Variants in PPP2R3B observed in about 807,000 individuals in gnomAD.
PPP2R3B encodes serine/threonine-protein phosphatase 2A regulatory subunit B'' subunit beta.
PPP2R3B carries 68 observed loss-of-function variants against 72.9 expected under a neutral mutation model. The observed-to-expected ratio is 0.93, with a 90% CI of 0.77 to 1.14. PPP2R3B has a LOEUF of 1.14. Ranked by LOEUF, PPP2R3B falls within the 50% of genes most tolerant of loss-of-function variation. The pLI is 0.00. For synonymous variants in PPP2R3B, 466 were observed against 375.8 expected (o/e 1.24, Z -2.78); for missense variants, 1,018 against 842.0 (o/e 1.21, Z -2.59).
Position 340,868 on chromosome X carries a change from G to C in PPP2R3B, c.1248C>G (p.Phe416Leu), listed in dbSNP as rs1156594210. Residue 416 changes from phenylalanine to leucine, a missense_variant, in exon 10 of 13, where the codon TTC becomes TTG. By Grantham distance (22) the Phe-to-Leu change is conservative. Coordinates refer to ENST00000390665, the MANE Select transcript of PPP2R3B (RefSeq NM_013239.5). The part of the protein sequence containing the change: ...GALSMFELEY[F>L]YEEQCRRLDS... ...CCAGCCTTCGGCACTGCTCCTCGTAGAAGTACTCGAGCTCGAACATGGACA... is the reference window on the plus strand; with the variant it reads ...CCAGCCTTCGGCACTGCTCCTCGTACAAGTACTCGAGCTCGAACATGGACA... 1 of 1,612,036 alleles carries C rather than the reference G, an allele frequency of 6.2e-7. No individual in the cohort carries two copies. Among genetic ancestry groups the C allele is most frequent in the Non-Finnish European group, 8.5e-7 (1 of 1,179,688 alleles).
At chrX:359,140 G>A (rs2071494725) in intron 2 of PPP2R3B, among the ~76,000 whole-genome samples, 1 of 152,176 alleles carries the variant, frequency 6.6e-6, no homozygotes, top group African/African-American at 2.4e-5. Context: ...GAGGCGCGCA[G>A]AGACCCTGTG....
In PPP2R3B at chrX:347,300, G is replaced by A. The variant is rs749597770; in HGVS notation, c.651C>T (p.Phe217=). ...AGCCGGGGCTCATGAGCAGATGGAC[G>A]AACTTGGCCGCGTCGTCGTGGCAGT... The part of the protein sequence containing the change: ...LQNCHDDAAK[F]VHLLMSPGCN... Residue 217 remains phenylalanine, a synonymous_variant, in exon 4 of 13, where the codon TTC becomes TTT. Coordinates refer to ENST00000390665, the MANE Select transcript of PPP2R3B (RefSeq NM_013239.5). 5.0e-6 allele frequency: 8 copies of A among 1,613,684 alleles called. No homozygotes were observed. Among genetic ancestry groups the A allele is most frequent in the East Asian group, 2.2e-5 (1 of 44,884 alleles).
Position 386,549 on chromosome X carries a change from G to A in PPP2R3B, c.143C>T (p.Thr48Ile). 1 of 1,433,168 alleles carries A rather than the reference G, an allele frequency of 7.0e-7. No individual in the cohort carries two copies. Among genetic ancestry groups the A allele is most frequent in the South Asian group, 1.3e-5 (1 of 74,222 alleles). The allele number at this position is 1,433,168 out of a possible 1,614,324, so 88.8% of individuals were successfully genotyped here. A position where few individuals can be genotyped will look rare whatever the true frequency, so the allele number is the denominator to read the frequency against. ...CCCGGGCTGCTCCCCGTCCCCCGGG[G>A]TCGGCTGGTCCCGCCCGGGCGCCTT... is the stretch of plus-strand genomic sequence containing the variant. ...RIKAPGRDQP[T>I]PGDGEQPGAW... is the part of the protein sequence containing the mutation. Residue 48 changes from threonine to isoleucine, a missense_variant, in exon 1 of 13, where the codon ACC (threonine) becomes ATC (isoleucine). Physicochemically the swap from Thr to Ile is moderately conservative, Grantham distance 89 (BLOSUM62 -1). Transcript: ENST00000390665.
chrX:362,587 G>GTCC (rs1051638424), intron 1 of PPP2R3B, among the ~76,000 whole-genome samples: 10 of 151,180 alleles, frequency 6.6e-5, no homozygotes, highest in Admixed American at 1.3e-4. Flanking sequence ...ATGGGGCTGC[G>GTCC]TCCTCCTCCT....
At chrX:363,781 C>A (rs1329211894) in intron 1 of PPP2R3B, among the ~76,000 whole-genome samples, 6 of 152,330 alleles carry the variant, frequency 3.9e-5, no homozygotes, top group South Asian at 2.1e-4. Flanking sequence ...GTGGAGCCTG[C>A]GGCTCTTCCT....
chrX:341,366 G>A lies in PPP2R3B; in HGVS notation c.1116C>T (p.Ile372=). Residue 372 remains isoleucine, a synonymous_variant, in exon 9 of 13, where the codon ATC becomes ATT. Transcript: ENST00000390665. ...RGRKVQKEGK[I]SYADFVWFLI... The stretch of plus-strand genomic sequence containing the variant: ...AAAACCAGACAAAGTCGGCATAGCT[G>A]ATCTTCCCTTCCTTCTGCACTTTTC... 1 of 1,612,746 alleles carries A rather than the reference G, an allele frequency of 6.2e-7. No homozygotes were observed. Among genetic ancestry groups the A allele is most frequent in the Non-Finnish European group, 8.5e-7 (1 of 1,179,740 alleles).
intron 8 of PPP2R3B, 117 bp from the exon 9 acceptor site, chrX:341,513 T>TGCCCCCCTCCG: frequency 9.4e-7 from 1 of 1,063,390 alleles, no homozygotes; most frequent in Non-Finnish European, 1.4e-6. Context: ...GCCCTCCTCC[T>TGCCCCCCTCCG]GCCCCCCTCC....
chrX:359,487 A>G (rs1350147733), intron 2 of PPP2R3B, among the ~76,000 whole-genome samples: 5 of 152,222 alleles, frequency 3.3e-5, no homozygotes, highest in Non-Finnish European at 7.3e-5. Flanking sequence ...TACTAGGTAA[A>G]TATTAGTTCT....
At chrX:344,318 G>A (rs936161677) in intron 7 of PPP2R3B, among the ~76,000 whole-genome samples, 1 of 151,622 alleles carries the variant, frequency 6.6e-6, no homozygotes, top group African/African-American at 2.4e-5. Context: ...ACCAACGGGA[G>A]GCGGGAGGGA....
intron 1 of PPP2R3B, among the ~76,000 whole-genome samples, chrX:368,071 G>A (rs4906978): frequency 6.6e-6 from 1 of 151,998 alleles, no homozygotes; most frequent in Admixed American, 6.5e-5. Flanking sequence ...GACACAAACT[G>A]AGCCCGCTAG....
At chrX:364,602 C>T (rs929346448) in intron 1 of PPP2R3B, among the ~76,000 whole-genome samples, 1 of 148,936 alleles carries the variant, frequency 6.7e-6, no homozygotes, top group African/African-American at 2.5e-5. Context: ...CCTGTACTCC[C>T]AGCTACTCGG....
rs1299616324 is a variant in PPP2R3B, at chrX:346,778, G to A, written c.718-3C>T. 20 of 1,608,826 alleles carry A rather than the reference G, an allele frequency of 1.2e-5. No individual in the cohort carries two copies. The highest frequency in any genetic ancestry group is 1.7e-5 in the Non-Finnish European group (20 of 1,177,916). ...CCCGGGTGCGTGTTCACCACGTCCT[G>A]CGGGTGGGAAGACACGAGGCGCGTG... On this transcript the variant is annotated splice_region_variant and splice_polypyrimidine_tract_variant and intron_variant, in intron 4 of 12. Transcript: ENST00000390665.
chrX:346,844 G>C, intron 4 of PPP2R3B, 69 bp from the exon 5 acceptor site: 1 of 1,390,312 alleles, frequency 7.2e-7, no homozygotes, highest in South Asian at 1.2e-5. Context: ...CGGTGTGGAC[G>C]CTGCAGACGC....
rs1239838072 is a variant in PPP2R3B at position 342,314 on chromosome X, C to G, written c.1037-383G>C. ...GGAGACGGGAGTGAGACCTCAGCAA[C>G]GGGAGGCGGGAGTGAGACCTCAGCA... On this transcript the variant is annotated intron_variant, in intron 7 of 12. Transcript: ENST00000390665. 2.7e-5 allele frequency: 8 copies of G among 291,208 alleles called. No individual in the cohort carries two copies. In the East Asian group the frequency reaches 4.4e-4, roughly 16 times the overall value. The allele number at this position is 291,208 out of a possible 1,614,324, so 18.0% of individuals were successfully genotyped here.
intron 1 of PPP2R3B, among the ~76,000 whole-genome samples, chrX:363,587 G>C (rs1569404070): frequency 4.1e-5 from 6 of 146,104 alleles, no homozygotes; most frequent in African/African-American, 7.8e-5. Flanking sequence ...ATCCCACAAT[G>C]CATCTCCCCG....
Position 361,502 on chromosome X carries a change from G to C in PPP2R3B, c.413C>G (p.Ser138Cys). The C allele has an allele frequency of 6.2e-7, 1 of 1,614,028 alleles. No individual in the cohort carries two copies. The highest frequency in any genetic ancestry group is 8.5e-7 in the Non-Finnish European group (1 of 1,179,870). The change falls in exon 2 of 13, where the codon TCC (serine) becomes TGC (cysteine). Residue 138 changes from serine to cysteine, a missense_variant. Ser to Cys is a moderately radical substitution (Grantham distance 112, BLOSUM62 -1). Transcript: ENST00000390665. ...FYFPRGRPQD[S>C]VNVDAVISKI... Reference sequence around the variant, plus strand: ...GCTGATGACGGCATCCACGTTGACGGAGTCCTGCGGGCGTCCTCTGGGGAA... The same window carrying C: ...GCTGATGACGGCATCCACGTTGACGCAGTCCTGCGGGCGTCCTCTGGGGAA...
At chrX:351,249 G>A (rs28406452) in intron 2 of PPP2R3B, among the ~76,000 whole-genome samples, 3,537 of 152,204 alleles carry the variant, frequency 0.023, 142 homozygotes, top group African/African-American at 0.081. Flanking sequence ...GGGAGGGAAC[G>A]AGCCGGGTGC....
At chrX:353,152 T>C (rs2071365041) in intron 2 of PPP2R3B, among the ~76,000 whole-genome samples, 1 of 152,056 alleles carries the variant, frequency 6.6e-6, no homozygotes, top group African/African-American at 2.4e-5. Context: ...GGCGGGTGGA[T>C]CACCCGAGGT....
chrX:369,831 C>T (rs944364661), intron 1 of PPP2R3B, among the ~76,000 whole-genome samples: 3 of 152,250 alleles, frequency 2.0e-5, no homozygotes, highest in African/African-American at 4.8e-5. Flanking sequence ...AACGCACAGC[C>T]GTGCCCCCAG....
Sources: gnomAD v4.1 joint callset for allele counts (sites outside exome capture counted in the v4.1 genomes callset) on GRCh38, gnomAD v4.1.1 for gene constraint, MANE v1.5 for transcripts, NCBI Gene and HGNC (gene_info 2026-07-23, HGNC 2026-07-21) for gene names.